CHM: variants seen among roughly 807,000 people sequenced by gnomAD.
CHM encodes the protein rab proteins geranylgeranyltransferase component A 1.
In CHM, 10 loss-of-function variants were observed where a neutral mutation model predicts 49.0. That is an observed-to-expected ratio of 0.20 (90% CI 0.13 to 0.35). The LOEUF is 0.35. Ranked by LOEUF, CHM falls within the 10% of genes least tolerant of loss-of-function variation. The pLI is 1.00. For synonymous variants in CHM, 184 were observed against 167.5 expected (o/e 1.10, Z -0.76); for missense variants, 455 against 478.4 (o/e 0.95, Z 0.46).
chrX:86,045,385 A>G (rs1569265770), intron 1 of CHM, among the ~76,000 whole-genome samples: 1 of 112,270 alleles, frequency 8.9e-6, no homozygotes, highest in Non-Finnish European at 1.9e-5. Flanking sequence ...TCTTTTATTC[A>G]ATTTTTACAC....
chrX:85,996,579 C>A (rs759834843), intron 2 of CHM, among the ~76,000 whole-genome samples: 5 of 111,810 alleles, frequency 4.5e-5, no homozygotes, highest in African/African-American at 1.6e-4. Flanking sequence ...CTGGGTCATG[C>A]AGATCTGCTT....
intron 12 of CHM, among the ~76,000 whole-genome samples, chrX:85,888,510 G>T (rs1459894537): frequency 9.0e-6 from 1 of 111,323 alleles, no homozygotes; most frequent in Non-Finnish European, 1.9e-5. Flanking sequence ...CCTGAGTACA[G>T]CTAAAAATCT....
At chrX:85,958,413 C>G (rs1930114870) in intron 6 of CHM, among the ~76,000 whole-genome samples, 1 of 111,728 alleles carries the variant, frequency 9.0e-6, no homozygotes, top group Non-Finnish European at 1.9e-5. Flanking sequence ...GATAGCAAAG[C>G]TCTGCTCTTC....
chrX:85,898,302 A>G (rs1012176283), intron 11 of CHM, among the ~76,000 whole-genome samples: 1 of 111,284 alleles, frequency 9.0e-6, no homozygotes, highest in African/African-American at 3.3e-5. Context: ...TGAATTCCCA[A>G]ATCTACAAAT....
chrX:85,912,886 G>C (rs1422896382), intron 8 of CHM, among the ~76,000 whole-genome samples: 2 of 108,476 alleles, frequency 1.8e-5, no homozygotes, highest in African/African-American at 6.7e-5. Flanking sequence ...GGCGGTGCAT[G>C]CCTGTCATCC....
intron 8 of CHM, among the ~76,000 whole-genome samples, chrX:85,916,112 T>C: frequency 9.0e-6 from 1 of 110,669 alleles, no homozygotes; most frequent in Non-Finnish European, 1.9e-5. Context: ...CATAGACCAA[T>C]GGAACAGAAT....
intron 2 of CHM, among the ~76,000 whole-genome samples, chrX:86,022,559 C>T (rs1933651610): frequency 9.0e-6 from 1 of 111,259 alleles, no homozygotes; most frequent in South Asian, 3.8e-4. Context: ...TTTACCCATG[C>T]CTTAAAAGTT....
intron 11 of CHM, among the ~76,000 whole-genome samples, chrX:85,895,301 ATT>A (rs762567120): frequency 1.5e-4 from 14 of 96,218 alleles, no homozygotes; most frequent in African/African-American, 1.5e-4. Flanking sequence ...ACACCTGGCT[ATT>A]TTTTTTTTTT....
intron 8 of CHM, among the ~76,000 whole-genome samples, chrX:85,917,125 G>A (rs1383979778): frequency 8.9e-6 from 1 of 112,225 alleles, no homozygotes; most frequent in East Asian, 2.8e-4. Context: ...AAAGAAAGAT[G>A]AGCTCATGTC....
chrX:85,896,166 A>G (rs1029548852), intron 11 of CHM, among the ~76,000 whole-genome samples: 2 of 108,456 alleles, frequency 1.8e-5, no homozygotes, highest in African/African-American at 6.7e-5. Context: ...AAAAAAAAAG[A>G]GAGAAGATGA....
intron 12 of CHM, 74 bp downstream of exon 12, chrX:85,894,114 T>A: frequency 1.4e-6 from 1 of 732,515 alleles, no homozygotes; most frequent in South Asian, 2.2e-5. Context: ...AATACAACCT[T>A]CACAACTGTA....
chrX:86,009,313 T>G (rs5968772), intron 2 of CHM, among the ~76,000 whole-genome samples: 19,129 of 111,916 alleles, frequency 0.17, 1,536 homozygotes, highest in Non-Finnish European at 0.25. Context: ...TGGAACAATG[T>G]AAGTTTCTGG....
At chrX:85,970,357 T>C (rs1930828416) in intron 4 of CHM, 2 of 747,675 alleles carry the variant, frequency 2.7e-6, no homozygotes, top group Non-Finnish European at 3.2e-6. Flanking sequence ...CAATACTATA[T>C]AGTATTCCAG....
chrX:85,885,644 A>G (rs1321268385), intron 12 of CHM, among the ~76,000 whole-genome samples: 1 of 111,568 alleles, frequency 9.0e-6, no homozygotes, highest in African/African-American at 3.2e-5. Flanking sequence ...TATTTTGATT[A>G]TATTTGATTT....
rs1163179567 is a variant in CHM at position 85,897,339 on chromosome X, GTGTGTC to G, written c.1414-3061_1414-3056del. Among the ~76,000 whole-genome samples, 214 of 102,839 alleles carry G rather than the reference GTGTGTC, an allele frequency of 2.1e-3. 1 individual carries two copies. The highest frequency in any genetic ancestry group is 7.5e-3 in the African/African-American group (209 of 27,833). The allele number at this position is 102,839 out of a possible 115,157, so 89.3% of individuals were successfully genotyped here. A position where few individuals can be genotyped will look rare whatever the true frequency, so the allele number is the denominator to read the frequency against. On this transcript the variant is annotated intron_variant, in intron 11 of 14. Coordinates refer to ENST00000357749, the MANE Select transcript of CHM (RefSeq NM_000390.4). ...TGTGTGTGTGTGTGTGTGTGTGTGT[GTGTGTC>G]TGTGTCTGTTTAAAAAAAATGTTGC...
chrX:85,864,870 T>C, intron 14 of CHM, 49 bp from the exon 15 acceptor site: 1 of 1,107,141 alleles, frequency 9.0e-7, no homozygotes. Flanking sequence ...CGGTTTAAAA[T>C]GTGTGTGCAT....
chrX:85,884,479 C>A (rs958870786), intron 12 of CHM, among the ~76,000 whole-genome samples: 8 of 110,844 alleles, frequency 7.2e-5, no homozygotes, highest in Non-Finnish European at 1.3e-4. Context: ...TAAGGTTAGT[C>A]AAGTAGTTAG....
In CHM at chrX:85,911,152, T is replaced by TATATATATGTATATATATATATGA. The variant is rs1556276701; in HGVS notation, c.1244+108_1244+109insTCATATATATATATACATATATAT. ...ATGTATATATATATATATATATATA[T>TATATATATGTATATATATATATGA]ATATATATATGTATATATATATGAA... On this transcript the variant is annotated intron_variant, in intron 9 of 14. Coordinates refer to ENST00000357749, the MANE Select transcript of CHM (RefSeq NM_000390.4). The TATATATATGTATATATATATATGA allele has an allele frequency of 3.0e-3, 13 of 4,316 alleles. 1 individual carries two copies. In the Admixed American group the frequency reaches 0.045, roughly 15 times the overall value. 0.4% of individuals were successfully genotyped at this position (4,316 alleles called of 1,213,427 possible).
At chrX:85,950,436 A>G (rs1929683964) in intron 8 of CHM, among the ~76,000 whole-genome samples, 1 of 110,941 alleles carries the variant, frequency 9.0e-6, no homozygotes, top group African/African-American at 3.3e-5. Context: ...TTGAAGAAAG[A>G]AAATGAATGG....
Sources: allele counts gnomAD v4.1 joint callset (sites outside exome capture counted in the v4.1 genomes callset), GRCh38; gene constraint gnomAD v4.1.1; transcripts MANE v1.5; gene names NCBI Gene and HGNC (gene_info 2026-07-23, HGNC 2026-07-21).